ZFP62: variants seen among roughly 807,000 people sequenced by gnomAD.
ZFP62 encodes the protein zinc finger protein 62 homolog.
ZFP62 carries 44 observed loss-of-function variants against 56.4 expected under a neutral mutation model. The observed-to-expected ratio is 0.78, with a 90% CI of 0.61 to 1.00. ZFP62 has a LOEUF of 1.00. Ranked by LOEUF, ZFP62 falls within the 50% of genes least tolerant of loss-of-function variation. The pLI is 0.00. For missense variants in ZFP62, 1,030 were observed against 1,085.7 expected (o/e 0.95, Z 0.72); for synonymous variants, 421 against 388.9 (o/e 1.08, Z -0.97).
At chr5:180,860,655 C>T (rs1256018876) in intron 1 of ZFP62, 1 of 143,106 alleles carries the variant, frequency 7.0e-6, no homozygotes, top group South Asian at 2.4e-4. Context: ...CTATTCACAC[C>T]TGCAGCGGGA....
chr5:180,838,134 C>T, the ZFP62 span, among the ~76,000 whole-genome samples: 14 of 152,196 alleles, frequency 9.2e-5, no homozygotes, highest in South Asian at 1.9e-3. Context: ...ATTCAGCTCC[C>T]GTTACACAAA....
chr5:180,833,462 C>T, the ZFP62 span, among the ~76,000 whole-genome samples: 15 of 132,594 alleles, frequency 1.1e-4, no homozygotes, highest in Middle Eastern at 4.2e-3. Context: ...CTGGGCGATA[C>T]GGTGAAACTC....
chr5:180,860,762 GTC>G (rs1561912680), intron 1 of ZFP62: 1 of 171,902 alleles, frequency 5.8e-6, no homozygotes, highest in Admixed American at 6.3e-5. Flanking sequence ...ACCCCTAGAG[GTC>G]TCTCTGCCCT....
chr5:180,827,336 T>C, the ZFP62 span, among the ~76,000 whole-genome samples: 1 of 152,238 alleles, frequency 6.6e-6, no homozygotes, highest in Non-Finnish European at 1.5e-5. Flanking sequence ...CGTAGGAGAC[T>C]CCATTCTGTT....
At chr5:180,830,719 C>CT in the ZFP62 span, 1 of 152,370 alleles carries the variant, frequency 6.6e-6, no homozygotes, top group Non-Finnish European at 1.5e-5. Flanking sequence ...TTCCAGCTGT[C>CT]TGAGATTAAG....
chr5:180,832,215 A>G, the ZFP62 span, among the ~76,000 whole-genome samples: 1 of 152,058 alleles, frequency 6.6e-6, no homozygotes, highest in African/African-American at 2.4e-5. Flanking sequence ...GCAGTGGCGT[A>G]ATCATGGCTC....
At chr5:180,826,936 C>T in the ZFP62 span, among the ~76,000 whole-genome samples, 1 of 152,172 alleles carries the variant, frequency 6.6e-6, no homozygotes, top group Non-Finnish European at 1.5e-5. Flanking sequence ...GCCAAAGCAA[C>T]ATGAGGACAT....
intron 1 of ZFP62, 139 bp downstream of exon 1, chr5:180,861,080 A>C (rs1581981690): frequency 2.5e-6 from 1 of 396,922 alleles, no homozygotes; most frequent in South Asian, 1.3e-4. Flanking sequence ...GCACCCACTG[A>C]GACATGTGCG....
Position 180,856,251 on chromosome 5 carries a change from T to C in ZFP62, c.2-4758A>G, listed in dbSNP as rs531598329. 5.3e-5 allele frequency among the ~76,000 whole-genome samples: 8 copies of C among 152,332 alleles called. 1 individual carries two copies. The South Asian group carries it at 1.7e-3, about 32-fold the overall frequency. On this transcript the variant is annotated intron_variant, in intron 1 of 1. Transcript: ENST00000502412. ...ACCTGATGTAGTTCATCCAATCCTCTTCTTGAGTGAAATCAAAATGGATTA... is the reference window on the plus strand; with the variant it reads ...ACCTGATGTAGTTCATCCAATCCTCCTCTTGAGTGAAATCAAAATGGATTA...
chr5:180,843,079 AAAAGT>A (rs1167744246), downstream of ZFP62, among the ~76,000 whole-genome samples: 1 of 150,828 alleles, frequency 6.6e-6, no homozygotes, highest in Non-Finnish European at 1.5e-5. Flanking sequence ...AAAAAAAAAG[AAAAGT>A]AATTAAACGT....
At chr5:180,840,711 C>T in the ZFP62 span, among the ~76,000 whole-genome samples, 1 of 151,714 alleles carries the variant, frequency 6.6e-6, no homozygotes, top group Non-Finnish European at 1.5e-5. Flanking sequence ...AGCCAAGATC[C>T]CGCCACTGCA....
At chr5:180,854,648 C>A (rs1256334576) in intron 1 of ZFP62, among the ~76,000 whole-genome samples, 2 of 152,120 alleles carry the variant, frequency 1.3e-5, no homozygotes, top group Non-Finnish European at 2.9e-5. Context: ...TTAACACCTC[C>A]AGAGGGGCAG....
At chr5:180,855,043 T>C (rs1362621402) in intron 1 of ZFP62, among the ~76,000 whole-genome samples, 1 of 152,346 alleles carries the variant, frequency 6.6e-6, no homozygotes, top group East Asian at 1.9e-4. Context: ...TAGTTATCTA[T>C]GAGACTATCC....
At chr5:180,832,521 A>G in the ZFP62 span, among the ~76,000 whole-genome samples, 8 of 152,342 alleles carry the variant, frequency 5.3e-5, no homozygotes, top group South Asian at 4.1e-4. Flanking sequence ...AATTGTAGTA[A>G]TCTGTTACAG....
At chr5:180,847,595 C>G (rs2113667495), downstream of ZFP62, 1 of 985,456 alleles carries the variant, frequency 1.0e-6, no homozygotes, top group South Asian at 4.7e-5. Flanking sequence ...TATCCTCCAT[C>G]TAAACTCACA....
At position 180,850,781 on chromosome 5, in the gene ZFP62, A is replaced by G. The variant is rs1295220512; in HGVS notation, c.714T>C (p.Ser238=). The part of the protein sequence containing the change: ...DECGKSFNYS[S]VLDQHKRIHT... ...GGATCCTTTTATGCTGGTCCAGAAC[A>G]GAGCTATAATTGAAGGATTTTCCAC... The change falls in exon 2 of 2, where the codon TCT becomes TCC. Residue 238 remains serine, a synonymous_variant. Coordinates refer to ENST00000502412, the MANE Select transcript of ZFP62 (RefSeq NM_001172638.2). The G allele has an allele frequency of 8.2e-6, 13 of 1,592,670 alleles. No homozygotes were observed. In the Admixed American group the frequency reaches 2.3e-4, roughly 28 times the overall value.
downstream of ZFP62, among the ~76,000 whole-genome samples, chr5:180,842,799 T>C (rs1385512371): frequency 6.6e-6 from 1 of 152,044 alleles, no homozygotes; most frequent in Non-Finnish European, 1.5e-5. Context: ...CCTAGCAATT[T>C]GGGAGGCCAA....
Position 180,850,548 on chromosome 5 carries a change from T to C in ZFP62, c.947A>G (p.Lys316Arg), listed in dbSNP as rs767272711. Reference sequence around the variant, plus strand: ...AAGTGTTCTACAAGTAATGAAGGCCTTCCCACACTCATCACATTCGTAAGG... The same window carrying C: ...AAGTGTTCTACAAGTAATGAAGGCCCTCCCACACTCATCACATTCGTAAGG... ...EKPYECDECG[K>R]AFITCRTLLN... is the part of the protein sequence containing the mutation. Residue 316 changes from lysine to arginine, a missense_variant, in exon 2 of 2, where the codon AAG becomes AGG. Coordinates refer to ENST00000502412, the MANE Select transcript of ZFP62 (RefSeq NM_001172638.2). 2 of 1,556,282 alleles carry C rather than the reference T, an allele frequency of 1.3e-6. No individual in the cohort carries two copies. The highest frequency in any genetic ancestry group is 1.7e-6 in the Non-Finnish European group (2 of 1,149,766).
downstream of ZFP62, among the ~76,000 whole-genome samples, chr5:180,844,083 T>G (rs1773364704): frequency 6.6e-6 from 1 of 152,264 alleles, no homozygotes; most frequent in African/African-American, 2.4e-5. Flanking sequence ...TTACCAATTT[T>G]GTCTTTTCAA....
Sources: gnomAD v4.1 joint callset for allele counts (sites outside exome capture counted in the v4.1 genomes callset) on GRCh38, gnomAD v4.1.1 for gene constraint, MANE v1.5 for transcripts, NCBI Gene and HGNC (gene_info 2026-07-23, HGNC 2026-07-21) for gene names.